Variants in AATK observed in about 807,000 individuals in gnomAD.
The protein encoded by AATK is serine/threonine-protein kinase LMTK1.
AATK carries 91 observed loss-of-function variants against 114.3 expected under a neutral mutation model. The observed-to-expected ratio is 0.80, with a 90% CI of 0.67 to 0.95. The LOEUF is 0.95. AATK is among the 40% of genes least tolerant of loss of function. The probability of loss-of-function intolerance (pLI) is 0.00; values close to 1 mark genes in which losing one functional copy is unlikely to be tolerated. For missense variants in AATK, 2,176 were observed against 1,965.2 expected (o/e 1.11, Z -2.03); for synonymous variants, 1,075 against 916.5 (o/e 1.17, Z -3.12).
At chr17:81,160,808 C>G (rs1218028569) in intron 1 of AATK, among the ~76,000 whole-genome samples, 1 of 152,250 alleles carries the variant, frequency 6.6e-6, no homozygotes, top group Non-Finnish European at 1.5e-5. Flanking sequence ...GGAAGAACCC[C>G]GTGAGCTGGA....
chr17:81,119,801 G>A, intron 12 of AATK, 135 bp downstream of exon 12: 1 of 1,316,560 alleles, frequency 7.6e-7, no homozygotes, highest in Non-Finnish European at 9.9e-7. Flanking sequence ...GACGACACGG[G>A]CCAAAGCCCG....
At chr17:81,164,164 T>A (rs2061458022) in intron 1 of AATK, among the ~76,000 whole-genome samples, 2 of 152,162 alleles carry the variant, frequency 1.3e-5, no homozygotes, top group Non-Finnish European at 2.9e-5. Flanking sequence ...TGTCGGCCCA[T>A]GTCATAGATG....
chr17:81,138,537 C>T (rs1005906930), intron 1 of AATK, among the ~76,000 whole-genome samples: 4 of 149,618 alleles, frequency 2.7e-5, no homozygotes, highest in African/African-American at 9.9e-5. Flanking sequence ...TGCACATACA[C>T]GTTCGCGTGC....
At chr17:81,164,595 G>A (rs1325991348) in intron 1 of AATK, among the ~76,000 whole-genome samples, 2 of 152,262 alleles carry the variant, frequency 1.3e-5, no homozygotes, top group Non-Finnish European at 1.5e-5. Context: ...TCATGGCCAA[G>A]GACAAGGCTG....
intron 5 of AATK, 49 bp from the exon 6 acceptor site, chr17:81,127,719 GGAGTCGGGCCGAGCAGGGGAGGGA>G: frequency 6.5e-7 from 1 of 1,540,212 alleles, no homozygotes. Flanking sequence ...GTGGGGAGGG[GGAGTCGGGCCGAGCAGGGGAGGGA>G]GAGGAGGGGG....
chr17:81,128,895 G>A, intron 3 of AATK: 1 of 1,156,386 alleles, frequency 8.6e-7, no homozygotes, highest in Non-Finnish European at 1.1e-6. Flanking sequence ...GGCTGAGCAA[G>A]AGGCTGGGGC....
At position 81,122,276 on chromosome 17, in the gene AATK, G is replaced by T. The variant is rs2060709403; in HGVS notation, c.1660C>A (p.Pro554Thr). The T allele has an allele frequency of 6.7e-7, 1 of 1,498,784 alleles. No individual in the cohort carries two copies. The highest frequency in any genetic ancestry group is 2.6e-5 in the East Asian group (1 of 38,828). The allele number at this position is 1,498,784 out of a possible 1,614,324, so 92.8% of individuals were successfully genotyped here. A position where few individuals can be genotyped will look rare whatever the true frequency, so the allele number is the denominator to read the frequency against. ...DPDCAGCAPS[P>T]PATADQDDDS... ...TCGTCCTGGTCCGCGGTGGCAGGTG[G>T]ACTGGGGGCGCAGCCGGCGCAGTCA... The change falls in exon 11 of 14, where the codon CCA becomes ACA. Residue 554 changes from proline (P) to threonine (T), a missense_variant. Coordinates refer to ENST00000326724, the MANE Select transcript of AATK (RefSeq NM_001080395.3).
chr17:81,123,081 G>A (rs1233369636), intron 10 of AATK, 113 bp downstream of exon 10: 3 of 1,228,282 alleles, frequency 2.4e-6, no homozygotes, highest in Non-Finnish European at 3.2e-6. Context: ...CAGAGGGGAG[G>A]GGAGACCAGG....
Position 81,119,927 on chromosome 17 carries a change from C to T in AATK, c.3883+9G>A. On this transcript the variant is annotated intron_variant, in intron 12 of 13. Coordinates refer to ENST00000326724, the MANE Select transcript of AATK (RefSeq NM_001080395.3). ...GTGACGTCACGGGCCCAGCCCCGCCCCTGCTCACCCTCTTCCGCTGTGGAG... is the reference window on the plus strand; with the variant it reads ...GTGACGTCACGGGCCCAGCCCCGCCTCTGCTCACCCTCTTCCGCTGTGGAG... 7.0e-7 allele frequency: 1 copy of T among 1,429,958 alleles called. No individual in the cohort carries two copies. The highest frequency in any genetic ancestry group is 9.1e-7 in the Non-Finnish European group (1 of 1,093,998). The allele number at this position is 1,429,958 out of a possible 1,614,324, so 88.6% of individuals were successfully genotyped here.
At chr17:81,135,022 G>A (rs2060989001) in intron 1 of AATK, among the ~76,000 whole-genome samples, 1 of 152,164 alleles carries the variant, frequency 6.6e-6, no homozygotes, top group Non-Finnish European at 1.5e-5. Context: ...AGGTGGTGCT[G>A]CCTCTGCCAG....
chr17:81,141,518 A>G (rs748552626), intron 1 of AATK, among the ~76,000 whole-genome samples: 20 of 152,142 alleles, frequency 1.3e-4, no homozygotes, highest in Non-Finnish European at 2.4e-4. Context: ...ACTCCATGAA[A>G]TCTGTAATCA....
chr17:81,132,623 T>C, intron 2 of AATK: 1 of 265,396 alleles, frequency 3.8e-6, no homozygotes, highest in Non-Finnish European at 7.9e-6. Flanking sequence ...ATGCTGTCTC[T>C]CCCTGGGGTC....
intron 9 of AATK, among the ~76,000 whole-genome samples, chr17:81,124,350 C>T (rs543008188): frequency 6.6e-6 from 1 of 152,320 alleles, no homozygotes; most frequent in South Asian, 2.1e-4. Context: ...CCAGCACCAC[C>T]GTCAGCCCCT....
At position 81,120,979 on chromosome 17, in the gene AATK, A is replaced by AG; in HGVS notation, c.2956dup (p.Leu986ProfsTer19). On this transcript the variant is annotated frameshift_variant, in exon 11 of 14. Coordinates refer to ENST00000326724, the MANE Select transcript of AATK (RefSeq NM_001080395.3). LOFTEE classifies it high-confidence loss of function. ...GTCTCGGTAGGGATTCTTCTCGTTG[A>AG]GGCCACTGAGGGAGGTGGAGAGCCG... 6.2e-7 allele frequency: 1 copy of AG among 1,610,106 alleles called. No homozygotes were observed. Among genetic ancestry groups the AG allele is most frequent in the Non-Finnish European group, 8.5e-7 (1 of 1,178,980 alleles).
At position 81,120,691 on chromosome 17, in the gene AATK, T is replaced by G; in HGVS notation, c.3245A>C (p.Glu1082Ala). 3.3e-6 allele frequency: 5 copies of G among 1,516,934 alleles called. No individual in the cohort carries two copies. Among genetic ancestry groups the G allele is most frequent in the Middle Eastern group, 1.8e-4 (1 of 5,614 alleles). 94.0% of individuals were successfully genotyped at this position (1,516,934 alleles called of 1,614,324 possible). Residue 1082 changes from glutamate to alanine, a missense_variant, in exon 11 of 14, where the codon GAG (glutamate) becomes GCG (alanine). Around this residue, in one of 4 missense-constraint regions of AATK, gnomAD observed 1,701 missense variants for 1,394.7 expected, o/e 1.22. Coordinates refer to ENST00000326724, the MANE Select transcript of AATK (RefSeq NM_001080395.3). ...CPSGLVPEPP[E>A]PQGPAKVRPG... Reference sequence around the variant, plus strand: ...CCGCACCTTGGCTGGGCCTTGGGGCTCCGGAGGCTCTGGGACCAGGCCCGA... The same window carrying G: ...CCGCACCTTGGCTGGGCCTTGGGGCGCCGGAGGCTCTGGGACCAGGCCCGA...
intron 1 of AATK, among the ~76,000 whole-genome samples, chr17:81,154,308 G>GT (rs2061334214): frequency 7.1e-6 from 1 of 140,440 alleles, no homozygotes; most frequent in African/African-American, 2.7e-5. Flanking sequence ...TTTTTTCTTA[G>GT]TTTTTTCTTT....
intron 1 of AATK, among the ~76,000 whole-genome samples, chr17:81,157,096 C>T (rs971842735): frequency 2.0e-5 from 3 of 152,258 alleles, no homozygotes; most frequent in Admixed American, 1.3e-4. Flanking sequence ...CACCATCTGC[C>T]GCGTGGGATT....
chr17:81,119,211 C>T (rs1263630737), intron 13 of AATK, among the ~76,000 whole-genome samples, 169 bp downstream of exon 13: 1 of 107,578 alleles, frequency 9.3e-6, no homozygotes, highest in Admixed American at 9.1e-5. Flanking sequence ...GAGGGCCAGG[C>T]GGGGTCCAGG....
intron 1 of AATK, among the ~76,000 whole-genome samples, chr17:81,144,358 C>T (rs2061185539): frequency 1.3e-5 from 2 of 152,252 alleles, no homozygotes; most frequent in African/African-American, 4.8e-5. Flanking sequence ...CCCCATCGCT[C>T]TGTGCTGGTC....
Sources: gnomAD v4.1 joint callset for allele counts (sites outside exome capture counted in the v4.1 genomes callset) on GRCh38, gnomAD v4.1.1 for gene constraint, gnomAD v4.1.1 regional missense constraint, MANE v1.5 for transcripts, NCBI Gene and HGNC (gene_info 2026-07-23, HGNC 2026-07-21) for gene names.